XKR9: variants seen among roughly 807,000 people sequenced by gnomAD.
The protein encoded by XKR9 is XK-related protein 9.
In XKR9, 32 loss-of-function variants were observed where a neutral mutation model predicts 32.0. The observed-to-expected ratio is 1.00, with a 90% confidence interval of 0.76 to 1.34. The LOEUF (loss-of-function observed/expected upper bound fraction) is 1.34. Ranked by LOEUF, XKR9 falls within the 40% of genes most tolerant of loss-of-function variation. The probability of loss-of-function intolerance (pLI) is 0.00; values close to 1 mark genes in which losing one functional copy is unlikely to be tolerated. For synonymous variants in XKR9, 168 were observed against 143.4 expected, an observed-to-expected ratio of 1.17 and a Z score of -1.22; for missense variants, 546 against 429.7, an observed-to-expected ratio of 1.27 and a Z score of -2.39.
At chr8:70,732,633 G>A (rs186123635) in intron 4 of XKR9, among the ~76,000 whole-genome samples, 1 of 152,334 alleles carries the variant, frequency 6.6e-6, no homozygotes, top group Admixed American at 6.5e-5. Flanking sequence ...AGTAATTTAT[G>A]CAGAGCCTTC....
chr8:70,896,753 A>G, the XKR9 span, among the ~76,000 whole-genome samples: 1 of 151,858 alleles, frequency 6.6e-6, no homozygotes, highest in East Asian at 1.9e-4. Context: ...TTTTGTGGGC[A>G]TATAGTAGGT....
At chr8:70,768,485 C>A (rs975106550) in intron 2 of XKR9, among the ~76,000 whole-genome samples, 2 of 152,156 alleles carry the variant, frequency 1.3e-5, no homozygotes, top group Non-Finnish European at 2.9e-5. Flanking sequence ...TGTTAATTTT[C>A]TGTCTCATTG....
the XKR9 span, among the ~76,000 whole-genome samples, chr8:70,800,549 G>A: frequency 8.6e-4 from 131 of 152,236 alleles, 2 homozygotes; most frequent in Middle Eastern, 0.01. Flanking sequence ...GCAGTGGGGC[G>A]ATTGTGGCTT....
chr8:70,699,440 G>A (rs922812275), intron 3 of XKR9, among the ~76,000 whole-genome samples: 9 of 151,726 alleles, frequency 5.9e-5, no homozygotes, highest in African/African-American at 2.2e-4. Flanking sequence ...CTTCACTTAT[G>A]AAGCTTAGTT....
the XKR9 span, among the ~76,000 whole-genome samples, chr8:70,854,928 T>C: frequency 2.6e-5 from 4 of 152,176 alleles, no homozygotes; most frequent in Admixed American, 2.6e-4. Flanking sequence ...ACCGTAGCCT[T>C]GTAGTATAGT....
chr8:70,700,786 A>G (rs1232653947), intron 3 of XKR9, among the ~76,000 whole-genome samples: 1 of 152,174 alleles, frequency 6.6e-6, no homozygotes, highest in Non-Finnish European at 1.5e-5. Flanking sequence ...CTGCCTCCAG[A>G]GGTGGAGCCT....
the XKR9 span, among the ~76,000 whole-genome samples, chr8:70,944,521 C>T: frequency 6.6e-6 from 1 of 152,182 alleles, no homozygotes; most frequent in East Asian, 1.9e-4. Flanking sequence ...ATCATCTCTA[C>T]AAATACATCT....
intron 2 of XKR9, among the ~76,000 whole-genome samples, chr8:70,677,171 G>T (rs1193443704): frequency 6.6e-6 from 1 of 151,760 alleles, no homozygotes; most frequent in Admixed American, 6.6e-5. Flanking sequence ...TTTGTGACAG[G>T]GTCTCACTTT....
At chr8:70,683,444 AT>A (rs1188170794) in intron 3 of XKR9, 1 of 419,696 alleles carries the variant, frequency 2.4e-6, no homozygotes, top group African/African-American at 2.1e-5. Context: ...TACTCTCTTT[AT>A]TTTTTATTTC....
At chr8:70,999,753 G>A in the XKR9 span, among the ~76,000 whole-genome samples, 9 of 152,128 alleles carry the variant, frequency 5.9e-5, no homozygotes, top group African/African-American at 1.9e-4. Flanking sequence ...TAGTGACAAC[G>A]TGATCAGTTT....
chr8:70,998,421 T>C, the XKR9 span, among the ~76,000 whole-genome samples: 6 of 152,164 alleles, frequency 3.9e-5, no homozygotes, highest in Non-Finnish European at 8.8e-5. Context: ...AGGCCTCCAA[T>C]TGTACTGATG....
the XKR9 span, among the ~76,000 whole-genome samples, chr8:71,039,888 A>C: frequency 9.2e-5 from 14 of 152,134 alleles, no homozygotes; most frequent in Non-Finnish European, 1.8e-4. Flanking sequence ...TCCACATATG[A>C]AAAGAAATAA....
At chr8:70,887,222 C>G in the XKR9 span, among the ~76,000 whole-genome samples, 3 of 152,110 alleles carry the variant, frequency 2.0e-5, no homozygotes, top group African/African-American at 7.2e-5. Context: ...TGTCAAAGAT[C>G]AGATGGTTGT....
the XKR9 span, among the ~76,000 whole-genome samples, chr8:70,843,938 A>T: frequency 6.6e-6 from 1 of 152,192 alleles, no homozygotes; most frequent in Non-Finnish European, 1.5e-5. Flanking sequence ...CTGGAGGTAC[A>T]CTGACATACT....
At chr8:70,983,101 G>A in the XKR9 span, among the ~76,000 whole-genome samples, 32 of 152,140 alleles carry the variant, frequency 2.1e-4, no homozygotes, top group Admixed American at 2.0e-3. Flanking sequence ...TTAGATTACA[G>A]TGTATCAGTA....
the XKR9 span, among the ~76,000 whole-genome samples, chr8:70,836,305 A>G: frequency 6.6e-6 from 1 of 152,046 alleles, no homozygotes; most frequent in Non-Finnish European, 1.5e-5. Flanking sequence ...AACTCCTTCC[A>G]AAATATGGAG....
the XKR9 span, among the ~76,000 whole-genome samples, chr8:71,034,417 G>A: frequency 6.6e-6 from 1 of 152,128 alleles, no homozygotes; most frequent in Non-Finnish European, 1.5e-5. Context: ...GCTGTGAGTC[G>A]ATTAAACCTC....
intron 4 of XKR9, among the ~76,000 whole-genome samples, chr8:70,726,518 G>A (rs952133502): frequency 1.3e-5 from 2 of 152,140 alleles, no homozygotes; most frequent in African/African-American, 4.8e-5. Flanking sequence ...TAAGAATAGA[G>A]CATTCAATGA....
chr8:70,918,692 C>G, the XKR9 span, among the ~76,000 whole-genome samples: 1 of 145,282 alleles, frequency 6.9e-6, no homozygotes, highest in Non-Finnish European at 1.5e-5. Context: ...GACTCTGTCT[C>G]AGAAAACAAA....
Sources: gnomAD v4.1 joint callset for allele counts (sites outside exome capture counted in the v4.1 genomes callset) on GRCh38, gnomAD v4.1.1 for gene constraint, MANE v1.5 for transcripts, NCBI Gene and HGNC (gene_info 2026-07-23, HGNC 2026-07-21) for gene names.